RAB28: variants seen among roughly 807,000 people sequenced by gnomAD.
The protein encoded by RAB28 is RAB28, member RAS oncogene family.
In RAB28, 24 loss-of-function variants were observed where a neutral mutation model predicts 31.7. That is an observed-to-expected ratio of 0.76 (90% CI 0.55 to 1.06). RAB28 has a LOEUF of 1.06. Among genes scored for constraint, RAB28 ranks in the 50% least tolerant of loss-of-function variants. The pLI is 0.00. For synonymous variants in RAB28, 100 were observed against 90.4 expected, an observed-to-expected ratio of 1.11 and a Z score of -0.60; for missense variants, 254 against 258.5, an observed-to-expected ratio of 0.98 and a Z score of 0.12.
chr4:13,433,482 C>T (rs888331005), intron 4 of RAB28, among the ~76,000 whole-genome samples: 1 of 151,864 alleles, frequency 6.6e-6, no homozygotes, highest in African/African-American at 2.4e-5. Context: ...ACGAAAACAC[C>T]CTACTAAAAA....
At chr4:13,386,533 T>C (rs1049409314) in intron 4 of RAB28, among the ~76,000 whole-genome samples, 7 of 151,774 alleles carry the variant, frequency 4.6e-5, no homozygotes, top group African/African-American at 1.7e-4. Context: ...ATTAGAGAAA[T>C]GCAAATCAAA....
chr4:13,406,379 A>T (rs1238914025), intron 4 of RAB28, among the ~76,000 whole-genome samples: 1 of 152,074 alleles, frequency 6.6e-6, no homozygotes, highest in Non-Finnish European at 1.5e-5. Context: ...TATATAACAC[A>T]TTTTCTTTAT....
At chr4:13,430,800 G>C (rs1349963189) in intron 4 of RAB28, among the ~76,000 whole-genome samples, 1 of 152,100 alleles carries the variant, frequency 6.6e-6, no homozygotes, top group Non-Finnish European at 1.5e-5. Context: ...GGGAGCTGTG[G>C]TACCCCAAAG....
At chr4:13,454,658 T>C (rs1325757764) in intron 4 of RAB28, among the ~76,000 whole-genome samples, 1 of 152,314 alleles carries the variant, frequency 6.6e-6, no homozygotes, top group South Asian at 2.1e-4. Context: ...GTGGCAGCGA[T>C]GGTGCAACTT....
chr4:13,446,649 C>T (rs1347709178), intron 4 of RAB28, among the ~76,000 whole-genome samples: 1 of 152,156 alleles, frequency 6.6e-6, no homozygotes, highest in African/African-American at 2.4e-5. Flanking sequence ...ATGCCCTATC[C>T]TGCTTCTGCT....
intron 4 of RAB28, among the ~76,000 whole-genome samples, chr4:13,391,497 C>T (rs954732288): frequency 5.9e-5 from 9 of 152,148 alleles, no homozygotes; most frequent in Admixed American, 3.3e-4. Context: ...GACAGTATGG[C>T]GATTCCTCAA....
chr4:13,459,761 T>C (rs989733453), intron 4 of RAB28: 3 of 1,099,484 alleles, frequency 2.7e-6, no homozygotes, highest in African/African-American at 1.7e-5. Context: ...CAAGAAACAA[T>C]GCATATAAAA....
intron 4 of RAB28, among the ~76,000 whole-genome samples, chr4:13,444,383 T>G (rs1269814382): frequency 6.6e-6 from 1 of 151,424 alleles, no homozygotes; most frequent in Non-Finnish European, 1.5e-5. Context: ...TGTATACAAA[T>G]ATATATATAT....
chr4:13,411,413 T>C (rs1205072999), intron 4 of RAB28, among the ~76,000 whole-genome samples: 1 of 152,190 alleles, frequency 6.6e-6, no homozygotes. Context: ...AACCCAGTGA[T>C]ATGTGATATG....
At chr4:13,469,158 G>C (rs1171118872) in intron 3 of RAB28, among the ~76,000 whole-genome samples, 1 of 151,894 alleles carries the variant, frequency 6.6e-6, no homozygotes, top group Admixed American at 6.6e-5. Context: ...AAAACTACTG[G>C]AATCTTCCAA....
chr4:13,370,015 A>G, intron 6 of RAB28: 5 of 1,578,382 alleles, frequency 3.2e-6, no homozygotes, highest in Non-Finnish European at 4.3e-6. Context: ...GAATTAAAAA[A>G]AAAAAGACAA....
intron 3 of RAB28, among the ~76,000 whole-genome samples, chr4:13,465,265 T>C (rs906878897): frequency 4.0e-5 from 6 of 151,750 alleles, no homozygotes; most frequent in Non-Finnish European, 5.9e-5. Context: ...CAAAATTAAT[T>C]AGACACCAAA....
At chr4:13,447,322 C>T (rs1338406555) in intron 4 of RAB28, among the ~76,000 whole-genome samples, 2 of 152,160 alleles carry the variant, frequency 1.3e-5, no homozygotes, top group East Asian at 1.9e-4. Flanking sequence ...AAAGCCCATA[C>T]GATGGCCCAC....
At chr4:13,455,799 CT>C (rs1715271616) in intron 4 of RAB28, among the ~76,000 whole-genome samples, 1 of 152,182 alleles carries the variant, frequency 6.6e-6, no homozygotes, top group South Asian at 2.1e-4. Flanking sequence ...TTCTGCTTAC[CT>C]TTTCCCCACA....
intron 4 of RAB28, among the ~76,000 whole-genome samples, chr4:13,384,236 C>T (rs900169087): frequency 2.6e-5 from 4 of 152,208 alleles, no homozygotes; most frequent in African/African-American, 9.6e-5. Flanking sequence ...ACCCGACCCC[C>T]ATGCTAATAC....
At chr4:13,431,817 A>T (rs73229685) in intron 4 of RAB28, among the ~76,000 whole-genome samples, 11,728 of 152,144 alleles carry the variant, frequency 0.077, 819 homozygotes, top group African/African-American at 0.19. Flanking sequence ...AACAGCAAAT[A>T]CAAAAATAAG....
chr4:13,447,932 C>T (rs1363298836), intron 4 of RAB28, among the ~76,000 whole-genome samples: 1 of 152,148 alleles, frequency 6.6e-6, no homozygotes, highest in African/African-American at 2.4e-5. Flanking sequence ...AATTAAGCAA[C>T]CTTAAAACTA....
At chr4:13,421,395 GA>G (rs939958216) in intron 4 of RAB28, among the ~76,000 whole-genome samples, 8 of 152,044 alleles carry the variant, frequency 5.3e-5, no homozygotes, top group African/African-American at 1.7e-4. Flanking sequence ...CACAGAACTG[GA>G]AAAAACTACT....
At chr4:13,371,012 A>T in intron 6 of RAB28, 4 of 984,344 alleles carry the variant, frequency 4.1e-6, no homozygotes, top group Non-Finnish European at 4.8e-6. Flanking sequence ...AACTTATTTC[A>T]GGACACATAC....
Sources: gnomAD v4.1 joint callset for allele counts (sites outside exome capture counted in the v4.1 genomes callset) on GRCh38, gnomAD v4.1.1 for gene constraint, MANE v1.5 for transcripts, NCBI Gene and HGNC (gene_info 2026-07-23, HGNC 2026-07-21) for gene names.